The following SYT14 variants were observed in gnomAD, a reference collection of about 807,000 sequenced individuals.
SYT14 encodes synaptotagmin 14.
Under a neutral mutation model 74.2 loss-of-function variants are expected in SYT14, and 32 were observed. The observed-to-expected ratio is 0.43, with a 90% confidence interval of 0.33 to 0.58. SYT14 has a LOEUF of 0.58. SYT14 is among the 20% of genes least tolerant of loss of function. SYT14 has a pLI of 0.05. For synonymous variants in SYT14, 298 were observed against 337.7 expected (o/e 0.88, Z 1.29); for missense variants, 791 against 981.8 (o/e 0.81, Z 2.60).
At chr1:210,086,528 C>T (rs528391955) in intron 5 of SYT14, among the ~76,000 whole-genome samples, 4 of 152,338 alleles carry the variant, frequency 2.6e-5, no homozygotes, top group African/African-American at 9.6e-5. Flanking sequence ...AACATCTCCT[C>T]ACTTTCAATA....
Position 210,082,101 on chromosome 1 carries a change from G to A in SYT14, c.1313-12221G>A, listed in dbSNP as rs755915690. 6.6e-5 allele frequency among the ~76,000 whole-genome samples: 10 copies of A among 152,330 alleles called. No individual in the cohort carries two copies. The South Asian group carries it at 1.2e-3, about 19-fold the overall frequency. On this transcript the variant is annotated intron_variant, in intron 5 of 9. Coordinates refer to ENST00000637265, the Ensembl canonical transcript of SYT14. Reference sequence around the variant, plus strand: ...AGCAGTTGAGTAAATGTAGTTGTTAGAATATTTAAAAGTGTTTTCCATCTA... The same window carrying A: ...AGCAGTTGAGTAAATGTAGTTGTTAAAATATTTAAAAGTGTTTTCCATCTA...
At chr1:210,052,284 G>A (rs1572217857) in intron 5 of SYT14, among the ~76,000 whole-genome samples, 1 of 150,828 alleles carries the variant, frequency 6.6e-6, no homozygotes, top group East Asian at 2.0e-4. Flanking sequence ...GCAGTGGCGC[G>A]ATCTCGGCTC....
intron 5 of SYT14, among the ~76,000 whole-genome samples, chr1:210,047,024 C>T (rs1045093676): frequency 6.6e-6 from 1 of 152,008 alleles, no homozygotes; most frequent in African/African-American, 2.4e-5. Flanking sequence ...TTCCAGATCT[C>T]CTGTTTTTAA....
chr1:209,946,103 A>G (rs778155937), intron 1 of SYT14, among the ~76,000 whole-genome samples: 1 of 152,230 alleles, frequency 6.6e-6, no homozygotes, highest in Non-Finnish European at 1.5e-5. Flanking sequence ...AACTTAGTTG[A>G]TAAATGTTGT....
intron 1 of SYT14, among the ~76,000 whole-genome samples, chr1:209,945,576 C>T (rs551579175): frequency 6.6e-6 from 1 of 152,118 alleles, no homozygotes; most frequent in Non-Finnish European, 1.5e-5. Context: ...TTTAAAGGCT[C>T]TGACTAATGC....
chr1:209,968,531 G>T (rs974253084), intron 2 of SYT14, among the ~76,000 whole-genome samples: 1 of 151,906 alleles, frequency 6.6e-6, no homozygotes, highest in African/African-American at 2.4e-5. Flanking sequence ...AGTATGCTCC[G>T]CATATTCATC....
At chr1:210,056,949 A>G (rs1313577711) in intron 5 of SYT14, among the ~76,000 whole-genome samples, 1 of 151,712 alleles carries the variant, frequency 6.6e-6, no homozygotes, top group Non-Finnish European at 1.5e-5. Flanking sequence ...GGCTCAAGCA[A>G]TTCTCCTGCC....
intron 2 of SYT14, among the ~76,000 whole-genome samples, chr1:209,992,812 A>T (rs1285669212): frequency 6.6e-6 from 1 of 152,110 alleles, no homozygotes; most frequent in African/African-American, 2.4e-5. Flanking sequence ...AACCACCTTA[A>T]TTTGGGCAGA....
At chr1:210,124,251 A>AT (rs977569326) in intron 7 of SYT14, among the ~76,000 whole-genome samples, 1 of 152,012 alleles carries the variant, frequency 6.6e-6, no homozygotes, top group African/African-American at 2.4e-5. Context: ...AATGAAAAAA[A>AT]AAAATAAATA....
intron 7 of SYT14, among the ~76,000 whole-genome samples, chr1:210,148,103 G>A (rs929024796): frequency 6.6e-6 from 1 of 152,076 alleles, no homozygotes; most frequent in Non-Finnish European, 1.5e-5. Flanking sequence ...AAAAAACTTC[G>A]TAAGTCAACT....
At chr1:210,001,676 G>T (rs554330133) in intron 2 of SYT14, among the ~76,000 whole-genome samples, 1 of 152,146 alleles carries the variant, frequency 6.6e-6, no homozygotes, top group South Asian at 2.1e-4. Flanking sequence ...GGTGAGGTAT[G>T]GGTGTTAATG....
intron 7 of SYT14, among the ~76,000 whole-genome samples, chr1:210,147,443 A>G (rs2083064479): frequency 6.6e-6 from 1 of 152,218 alleles, no homozygotes; most frequent in South Asian, 2.1e-4. Flanking sequence ...CACACCCATA[A>G]AAATTACAGT....
intron 2 of SYT14, among the ~76,000 whole-genome samples, chr1:209,958,423 C>A (rs2179255): frequency 0.64 from 94,607 of 148,784 alleles, 30,107 homozygotes; most frequent in East Asian, 0.85. Flanking sequence ...TCCTTAAAAA[C>A]AAAAAGCCTT....
At chr1:210,141,795 A>G (rs973728650) in intron 7 of SYT14, among the ~76,000 whole-genome samples, 1 of 152,234 alleles carries the variant, frequency 6.6e-6, no homozygotes, top group Admixed American at 6.5e-5. Flanking sequence ...GCATGCACAG[A>G]GCAGCAAGAT....
chr1:209,990,529 A>ATATATATACGTG (rs2079647517), intron 2 of SYT14, among the ~76,000 whole-genome samples: 1 of 54,498 alleles, frequency 1.8e-5, no homozygotes, highest in Admixed American at 3.1e-4. Context: ...TTTCACATAT[A>ATATATATACGTG]TATATATACG....
exon 10 of SYT14, chr1:210,167,707 TTAATA>T (rs1173234795): frequency 1.3e-4 from 20 of 152,190 alleles, no homozygotes; most frequent in Non-Finnish European, 5.9e-5. Flanking sequence ...TGAGGTCTGG[TTAATA>T]TAATCTTAAG....
intron 5 of SYT14, among the ~76,000 whole-genome samples, chr1:210,082,563 A>G (rs946529892): frequency 5.3e-5 from 8 of 152,202 alleles, no homozygotes; most frequent in African/African-American, 1.9e-4. Context: ...AACAGGCATA[A>G]CTATAAGACC....
At chr1:209,981,662 T>C (rs190867303) in intron 2 of SYT14, among the ~76,000 whole-genome samples, 112 of 152,122 alleles carry the variant, frequency 7.4e-4, no homozygotes, top group Non-Finnish European at 1.3e-3. Context: ...TGCTATGTTT[T>C]TCATGCTGGT....
chr1:209,946,445 A>G (rs1215821192), intron 1 of SYT14, among the ~76,000 whole-genome samples: 1 of 152,220 alleles, frequency 6.6e-6, no homozygotes, highest in African/African-American at 2.4e-5. Context: ...TATTGCTGAT[A>G]TGGAGAAGTT....
Sources: allele counts gnomAD v4.1 joint callset (sites outside exome capture counted in the v4.1 genomes callset), GRCh38; gene constraint gnomAD v4.1.1; transcripts MANE v1.5; gene names NCBI Gene and HGNC (gene_info 2026-07-23, HGNC 2026-07-21).